The following PPFIBP2 variants were observed in gnomAD, a reference collection of about 807,000 sequenced individuals.
PPFIBP2 encodes PPFIB scaffold protein 2.
A neutral mutation model predicts 118.3 loss-of-function variants in PPFIBP2; 118 were observed. The observed-to-expected ratio is 1.00, with a 90% CI of 0.86 to 1.16. PPFIBP2 has a LOEUF of 1.16. Ranked by LOEUF, PPFIBP2 falls within the 50% of genes most tolerant of loss-of-function variation. PPFIBP2 has a pLI of 0.00. For synonymous variants in PPFIBP2, 414 were observed against 397.4 expected (o/e 1.04, Z -0.50); for missense variants, 1,195 against 1,073.1 (o/e 1.11, Z -1.59).
At chr11:7,572,792 T>G (rs999769833) in intron 3 of PPFIBP2, among the ~76,000 whole-genome samples, 1 of 152,214 alleles carries the variant, frequency 6.6e-6, no homozygotes, top group Non-Finnish European at 1.5e-5. Flanking sequence ...TTTGTTTTGT[T>G]TTTTGAGACG....
rs143050890 is a variant in PPFIBP2, at chr11:7,522,066, G to A, written c.-37+7945G>A. Among the ~76,000 whole-genome samples, 728 of 152,288 alleles carry A rather than the reference G, an allele frequency of 4.8e-3. 3 individuals carry two copies. Among genetic ancestry groups the A allele is most frequent in the South Asian group, 0.013 (64 of 4,826 alleles). ...AAGACGTGGTAAAACTGTTCAGGAT[G>A]ATTGTGGCTGGGAAGGGCAGGTTGG... On this transcript the variant is annotated intron_variant, in intron 1 of 23. Coordinates refer to ENST00000299492, the MANE Select transcript of PPFIBP2 (RefSeq NM_003621.5).
chr11:7,518,237 G>A (rs1052166328), intron 1 of PPFIBP2, among the ~76,000 whole-genome samples: 6 of 152,182 alleles, frequency 3.9e-5, no homozygotes, highest in African/African-American at 1.4e-4. Flanking sequence ...ACCGAATATC[G>A]GGAATGGATT....
chr11:7,654,512 G>T (rs1001282880), downstream of PPFIBP2, among the ~76,000 whole-genome samples: 7 of 152,246 alleles, frequency 4.6e-5, no homozygotes, highest in Non-Finnish European at 8.8e-5. Flanking sequence ...GCTATGCTAA[G>T]ATTTGCTTCT....
chr11:7,541,212 C>G (rs1590170357), intron 1 of PPFIBP2, among the ~76,000 whole-genome samples: 1 of 152,180 alleles, frequency 6.6e-6, no homozygotes, highest in African/African-American at 2.4e-5. Flanking sequence ...GGAGGCTGGG[C>G]CTCTTGCTTG....
intron 2 of PPFIBP2, among the ~76,000 whole-genome samples, chr11:7,551,048 T>C (rs558149005): frequency 2.1e-5 from 3 of 140,564 alleles, no homozygotes; most frequent in East Asian, 1.9e-4. Context: ...TCTATAGATA[T>C]AGATATCTAT....
At chr11:7,526,325 G>A (rs1262866819) in intron 1 of PPFIBP2, among the ~76,000 whole-genome samples, 2 of 152,170 alleles carry the variant, frequency 1.3e-5, no homozygotes, top group East Asian at 1.9e-4. Flanking sequence ...TGAGTAAAAG[G>A]CATAGAAGCC....
rs1463401534 is a variant in PPFIBP2 at position 7,610,426 on chromosome 11, A to C, written c.618+4A>C. ...GGAGAAGCAGAGAAAAGCAGAGGTA[A>C]GGGTGAGTGTGTACTGTCCTAAGCT... On this transcript the variant is annotated splice_donor_region_variant and intron_variant, in intron 6 of 23. Transcript: ENST00000299492. 6.2e-7 allele frequency: 1 copy of C among 1,613,158 alleles called. No individual in the cohort carries two copies. Among genetic ancestry groups the C allele is most frequent in the Middle Eastern group, 1.7e-4 (1 of 5,996 alleles).
downstream of PPFIBP2, among the ~76,000 whole-genome samples, chr11:7,661,080 A>G (rs563849929): frequency 5.3e-5 from 8 of 151,840 alleles, no homozygotes; most frequent in African/African-American, 1.7e-4. Flanking sequence ...CAATTTTGTT[A>G]ATCCTTTCAA....
chr11:7,553,262 A>G (rs72849060), intron 2 of PPFIBP2, among the ~76,000 whole-genome samples: 7,526 of 152,190 alleles, frequency 0.049, 238 homozygotes, highest in African/African-American at 0.1. Flanking sequence ...TGTATGTCCC[A>G]TGAACCATCC....
At chr11:7,617,120 G>A in intron 6 of PPFIBP2, 1 of 985,314 alleles carries the variant, frequency 1.0e-6, no homozygotes, top group Non-Finnish European at 1.2e-6. Flanking sequence ...AGTCGGTTCT[G>A]AATGTGATCA....
At chr11:7,665,363 A>C in the PPFIBP2 span, 13 of 1,447,668 alleles carry the variant, frequency 9.0e-6, no homozygotes, top group East Asian at 3.1e-4. Flanking sequence ...ATTGCTGAGC[A>C]CGTGGAGGTG....
Position 7,648,867 on chromosome 11 carries a change from A to G in PPFIBP2, c.1865A>G (p.Lys622Arg). 6.2e-7 allele frequency: 1 copy of G among 1,614,102 alleles called. No individual in the cohort carries two copies. The highest frequency in any genetic ancestry group is 8.5e-7 in the Non-Finnish European group (1 of 1,180,014). The change falls in exon 19 of 24, where the codon AAA (lysine) becomes AGA (arginine). Residue 622 changes from lysine to arginine, a missense_variant. Physicochemically the swap from Lys to Arg is conservative, Grantham distance 26. Transcript: ENST00000299492. ...LVLAVKAINTKQEEKSALLDH... is the reference protein window; with the variant it reads ...LVLAVKAINTRQEEKSALLDH... ...TTAGCAGTGAAAGCCATCAACACCA[A>G]ACAGGAGGAGAAGTCTGCACTGCTA...
intron 3 of PPFIBP2, among the ~76,000 whole-genome samples, chr11:7,581,674 C>A (rs1857274000): frequency 6.6e-6 from 1 of 152,178 alleles, no homozygotes; most frequent in Non-Finnish European, 1.5e-5. Context: ...GCAGCAGCTT[C>A]TGTGAAGGCT....
intron 1 of PPFIBP2, among the ~76,000 whole-genome samples, chr11:7,525,688 C>T (rs572338205): frequency 1.6e-4 from 24 of 152,224 alleles, no homozygotes; most frequent in Admixed American, 2.6e-4. Flanking sequence ...AAGTCCTGCC[C>T]TTAGGCCCTG....
At chr11:7,544,287 T>C (rs1418046986) in intron 1 of PPFIBP2, among the ~76,000 whole-genome samples, 1 of 152,158 alleles carries the variant, frequency 6.6e-6, no homozygotes, top group Non-Finnish European at 1.5e-5. Context: ...GAATGAAAAG[T>C]GCTTTGGTCC....
At chr11:7,579,832 T>A (rs556392198) in intron 3 of PPFIBP2, among the ~76,000 whole-genome samples, 1 of 152,278 alleles carries the variant, frequency 6.6e-6, no homozygotes, top group African/African-American at 2.4e-5. Flanking sequence ...CTTTTAGAAT[T>A]TTAAAGAGCA....
At chr11:7,606,009 G>T in intron 5 of PPFIBP2, 1 of 1,534,566 alleles carries the variant, frequency 6.5e-7, no homozygotes, top group South Asian at 1.2e-5. Flanking sequence ...GACGGAGTGC[G>T]CCTAAAGTAG....
intron 1 of PPFIBP2, among the ~76,000 whole-genome samples, chr11:7,521,025 C>T (rs764345419): frequency 5.1e-4 from 78 of 152,332 alleles, no homozygotes; most frequent in South Asian, 6.2e-4. Flanking sequence ...GCTTTAGGCC[C>T]AGATCTCCTT....
At chr11:7,602,246 G>A (rs1189395278) in intron 5 of PPFIBP2, among the ~76,000 whole-genome samples, 1 of 152,142 alleles carries the variant, frequency 6.6e-6, no homozygotes, top group African/African-American at 2.4e-5. Flanking sequence ...GCAGATCAAG[G>A]CATTGCTCAG....
Sources: allele counts gnomAD v4.1 joint callset (sites outside exome capture counted in the v4.1 genomes callset), GRCh38; gene constraint gnomAD v4.1.1; transcripts MANE v1.5; gene names NCBI Gene and HGNC (gene_info 2026-07-23, HGNC 2026-07-21).